The following TET1 variants were observed in gnomAD, a reference collection of about 807,000 sequenced individuals.
TET1 encodes the protein tet methylcytosine dioxygenase 1.
A neutral mutation model predicts 148.7 loss-of-function variants in TET1; 13 were observed. That is an observed-to-expected ratio of 0.09 (90% CI 0.06 to 0.14). The LOEUF (loss-of-function observed/expected upper bound fraction) is 0.14. Among genes scored for constraint, TET1 ranks in the 10% least tolerant of loss-of-function variants. The pLI, the probability that TET1 is intolerant of heterozygous loss-of-function variation, is 1.00. For synonymous variants in TET1, 907 were observed against 937.2 expected, an observed-to-expected ratio of 0.97 and a Z score of 0.59; for missense variants, 2,182 against 2,553.8, an observed-to-expected ratio of 0.85 and a Z score of 3.14.
chr10:68,579,134 A>G (rs576302084), intron 2 of TET1, among the ~76,000 whole-genome samples: 17 of 152,374 alleles, frequency 1.1e-4, no homozygotes, highest in Admixed American at 7.2e-4. Context: ...AGTAACATTT[A>G]GCAATATCTC....
rs540613903 is a variant in TET1 at position 68,589,534 on chromosome 10, GC to G, written c.1915-11446del. Among the ~76,000 whole-genome samples, 315 of 150,904 alleles carry G rather than the reference GC, an allele frequency of 2.1e-3. 4 individuals are homozygous for G. The highest frequency in any genetic ancestry group is 7.1e-3 in the African/African-American group (292 of 41,026). On this transcript the variant is annotated intron_variant, in intron 2 of 11. Transcript: ENST00000373644. ...GCCCAGGCTGGTCTTGAACTCCTGG[GC>G]TCAAGTGATCCACCTGCCTCGGCCT...
chr10:68,585,880 C>T (rs1457794174), intron 2 of TET1, among the ~76,000 whole-genome samples: 7 of 151,428 alleles, frequency 4.6e-5, no homozygotes, highest in East Asian at 1.9e-4. Context: ...TGGTGGTGTG[C>T]GCCTGTAGTC....
intron 8 of TET1, among the ~76,000 whole-genome samples, chr10:68,676,497 A>G (rs1403453224): frequency 6.7e-6 from 1 of 148,570 alleles, no homozygotes; most frequent in Admixed American, 6.7e-5. Flanking sequence ...GATGATCTCA[A>G]TCTCTTGACC....
In TET1 at chr10:68,640,544, C is replaced by CTTTTTTTTTTTTTTTTTT. The variant is rs60460824; in HGVS notation, c.1969-4146_1969-4129dup. On this transcript the variant is annotated intron_variant, in intron 3 of 11. Transcript: ENST00000373644. ...AAATATTCTTTTTCTTTCTTTCTTT[C>CTTTTTTTTTTTTTTTTTT]TTTTTTTTTTTTTTTTTTTTTTTTT... Among the ~76,000 whole-genome samples the CTTTTTTTTTTTTTTTTTT allele has an allele frequency of 4.7e-4, 20 of 42,888 alleles. 4 individuals are homozygous for CTTTTTTTTTTTTTTTTTT. The highest frequency in any genetic ancestry group is 0.038 in the Middle Eastern group (1 of 26). The allele number at this position is 42,888 out of a possible 152,430, so 28.1% of individuals were successfully genotyped here.
intron 11 of TET1, among the ~76,000 whole-genome samples, chr10:68,687,459 C>T (rs1300139082): frequency 2.6e-5 from 4 of 152,168 alleles, no homozygotes; most frequent in African/African-American, 9.7e-5. Context: ...ACATGACTTT[C>T]GGGATGCCTT....
chr10:68,672,806 A>G, intron 7 of TET1, 89 bp from the exon 8 acceptor site: 1 of 1,122,496 alleles, frequency 8.9e-7, no homozygotes, highest in South Asian at 2.1e-5. Flanking sequence ...TTAGGCATCC[A>G]TCCTTCTAAA....
At position 68,693,979 on chromosome 10, in the gene TET1, A is replaced by G. The variant is rs1054895205; in HGVS notation, c.*2165A>G. 2 of 230,596 alleles carry G rather than the reference A, an allele frequency of 8.7e-6. No homozygotes were observed. The highest frequency in any genetic ancestry group is 1.7e-5 in the Non-Finnish European group (2 of 116,476). The allele number at this position is 230,596 out of a possible 1,614,324, so 14.3% of individuals were successfully genotyped here. The stretch of plus-strand genomic sequence containing the variant: ...TTTTCTTTGGATCACCACCTATGAC[A>G]TAGTAAACTTGAAGAATAAAAACTA... On this transcript the variant is annotated 3_prime_UTR_variant, in exon 12 of 12. Coordinates refer to ENST00000373644, the MANE Select transcript of TET1 (RefSeq NM_030625.3).
chr10:68,688,296 C>T (rs1342588727), intron 11 of TET1, among the ~76,000 whole-genome samples: 2 of 151,324 alleles, frequency 1.3e-5, no homozygotes, highest in African/African-American at 4.9e-5. Flanking sequence ...CGGAGTTTCA[C>T]CATGTTGGCC....
At chr10:68,622,164 C>CCCTTCCTT (rs1198639936) in intron 3 of TET1, among the ~76,000 whole-genome samples, 1,527 of 123,996 alleles carry the variant, frequency 0.012, 66 homozygotes, top group African/African-American at 0.049. Flanking sequence ...GATACCTATG[C>CCCTTCCTT]CCTTCCTTCC....
intron 2 of TET1, among the ~76,000 whole-genome samples, chr10:68,592,472 T>C (rs1258006344): frequency 6.6e-6 from 1 of 152,174 alleles, no homozygotes; most frequent in Non-Finnish European, 1.5e-5. Context: ...GAAACAATTA[T>C]GGACAATTGA....
intron 3 of TET1, among the ~76,000 whole-genome samples, chr10:68,621,570 G>C (rs2054371647): frequency 6.6e-6 from 1 of 152,112 alleles, no homozygotes; most frequent in Non-Finnish European, 1.5e-5. Flanking sequence ...GACAGAGTGA[G>C]ACTCCATCTC....
chr10:68,669,736 G>A (rs1012616266), intron 7 of TET1, among the ~76,000 whole-genome samples: 2 of 150,884 alleles, frequency 1.3e-5, no homozygotes, highest in Non-Finnish European at 2.9e-5. Context: ...TGCAACCTCC[G>A]CCTCCTGGGT....
At chr10:68,665,555 G>T (rs2055186148) in intron 6 of TET1, among the ~76,000 whole-genome samples, 1 of 152,078 alleles carries the variant, frequency 6.6e-6, no homozygotes, top group Non-Finnish European at 1.5e-5. Flanking sequence ...ATTGTACACT[G>T]ATGGAAACTT....
chr10:68,581,050 C>A (rs2053791555), intron 2 of TET1, among the ~76,000 whole-genome samples: 1 of 152,018 alleles, frequency 6.6e-6, no homozygotes, highest in African/African-American at 2.4e-5. Flanking sequence ...TATATTTAGC[C>A]CCTAAAGCCA....
At position 68,684,051 on chromosome 10, in the gene TET1, A is replaced by G. The variant is rs188280649; in HGVS notation, c.5052+1078A>G. Among the ~76,000 whole-genome samples, 176 of 152,136 alleles carry G rather than the reference A, an allele frequency of 1.2e-3. 1 individual carries two copies. Among genetic ancestry groups the G allele is most frequent in the African/African-American group, 4.0e-3 (164 of 41,508 alleles). On this transcript the variant is annotated intron_variant, in intron 10 of 11. Coordinates refer to ENST00000373644, the MANE Select transcript of TET1 (RefSeq NM_030625.3). ...GCAATTGCTTTTGTTTTTCTGCTGC[A>G]CCAGTTTTTTAGGTTTGCCAGAGAA...
At chr10:68,613,788 A>G (rs112184777) in intron 3 of TET1, among the ~76,000 whole-genome samples, 2,275 of 152,158 alleles carry the variant, frequency 0.015, 47 homozygotes, top group African/African-American at 0.052. Context: ...AGTACAGAAA[A>G]TTAGCTGGGC....
intron 6 of TET1, among the ~76,000 whole-genome samples, chr10:68,656,466 A>G (rs2055023640): frequency 6.6e-6 from 1 of 152,142 alleles, no homozygotes; most frequent in East Asian, 1.9e-4. Flanking sequence ...GTTTCACTGC[A>G]TTAGCCAGGA....
intron 3 of TET1, among the ~76,000 whole-genome samples, chr10:68,605,123 C>A (rs1195652221): frequency 6.6e-6 from 1 of 152,200 alleles, no homozygotes; most frequent in Non-Finnish European, 1.5e-5. Flanking sequence ...GATCTTCCTG[C>A]AGGGTTCAGC....
rs574652946 is a variant in TET1 at position 68,660,978 on chromosome 10, A to T, written c.4462-6067A>T. 2.1e-4 allele frequency among the ~76,000 whole-genome samples: 32 copies of T among 150,044 alleles called. 2 individuals are homozygous for T. The South Asian group carries it at 5.3e-3, about 25-fold the overall frequency. ...CGCGCTAGCCGTTTTAAACCTTAAAATTTTTTTTAATTGTGTAATCTTGCT... is the reference window on the plus strand; with the variant it reads ...CGCGCTAGCCGTTTTAAACCTTAAATTTTTTTTTAATTGTGTAATCTTGCT... On this transcript the variant is annotated intron_variant, in intron 6 of 11. Coordinates refer to ENST00000373644, the MANE Select transcript of TET1 (RefSeq NM_030625.3).
Sources: gnomAD v4.1 joint callset for allele counts (sites outside exome capture counted in the v4.1 genomes callset) on GRCh38, gnomAD v4.1.1 for gene constraint, MANE v1.5 for transcripts, NCBI Gene and HGNC (gene_info 2026-07-23, HGNC 2026-07-21) for gene names.